NLRP12: variants seen among roughly 807,000 people sequenced by gnomAD.
NLRP12 encodes NLR family pyrin domain containing 12.
Under a neutral mutation model 91.2 loss-of-function variants are expected in NLRP12, and 108 were observed. The observed-to-expected ratio is 1.18, with a 90% CI of 1.01 to 1.39. The LOEUF is 1.39. Among genes scored for constraint, NLRP12 ranks in the 40% most tolerant of loss-of-function variants. NLRP12 has a pLI of 0.00. For missense variants in NLRP12, 1,530 were observed against 1,352.7 expected (o/e 1.13, Z -2.06); for synonymous variants, 613 against 566.7 (o/e 1.08, Z -1.16).
intron 8 of NLRP12, 96 bp from the exon 9 acceptor site, chr19:53,796,125 G>A (rs1384488325): frequency 8.1e-7 from 1 of 1,232,142 alleles, no homozygotes; most frequent in Non-Finnish European, 1.2e-6. Flanking sequence ...GGAGTACAGT[G>A]GTGAGATTTC....
At position 53,810,622 on chromosome 19, in the gene NLRP12, G is replaced by T; in HGVS notation, c.1037C>A (p.Ala346Asp). 1.9e-6 allele frequency: 3 copies of T among 1,614,082 alleles called. No individual in the cohort carries two copies. Among genetic ancestry groups the T allele is most frequent in the Middle Eastern group, 3.3e-4 (2 of 6,062 alleles). Residue 346 changes from alanine to aspartate, a missense_variant, in exon 3 of 10, where the codon GCT (alanine) becomes GAT (aspartate). Ala to Asp is a moderately radical substitution (Grantham distance 126). Transcript: ENST00000324134. The part of the protein sequence containing the change: ...LSLLITTRPT[A>D]LEKLHRLLEH... The stretch of plus-strand genomic sequence containing the variant: ...CAGCAGACGGTGGAGCTTCTCCAAA[G>T]CCGTGGGCCGTGTGGTGATGAGCAA...
intron 3 of NLRP12, among the ~76,000 whole-genome samples, chr19:53,809,162 G>A (rs1445103437): frequency 1.3e-5 from 2 of 150,654 alleles, no homozygotes; most frequent in Non-Finnish European, 2.9e-5. Flanking sequence ...GGAGGCAGAG[G>A]CTGCAGTGAG....
Position 53,809,712 on chromosome 19 carries a change from G to A in NLRP12, c.1947C>T (p.Val649=), listed in dbSNP as rs1332284771. ...TGCAGCGCTTCAGACAGAACGAGGA[G>A]ACCATGTGCTCCATCTTGGAGGCAA... ...SNIASKMEHM[V]SSFCLKRCRS... The change falls in exon 3 of 10, where the codon GTC becomes GTT. Residue 649 remains valine, a synonymous_variant. Coordinates refer to ENST00000324134, the MANE Select transcript of NLRP12 (RefSeq NM_144687.4). 9.3e-6 allele frequency: 15 copies of A among 1,614,120 alleles called. No homozygotes were observed. The highest frequency in any genetic ancestry group is 1.3e-5 in the Non-Finnish European group (15 of 1,180,018).
intron 4 of NLRP12, 29 bp downstream of exon 4, chr19:53,807,466 C>T: frequency 6.2e-7 from 1 of 1,607,700 alleles, no homozygotes; most frequent in South Asian, 1.1e-5. Flanking sequence ...TGGGGACCAC[C>T]TGAAACGCCC....
chr19:53,794,415 G>A (rs1055865389), intron 9 of NLRP12, among the ~76,000 whole-genome samples: 54 of 150,436 alleles, frequency 3.6e-4, no homozygotes, highest in Admixed American at 2.7e-3. Flanking sequence ...CACCTCCCAG[G>A]TTCAAGCGAT....
chr19:53,813,529 C>T (rs1422015093), intron 2 of NLRP12, among the ~76,000 whole-genome samples: 2 of 151,812 alleles, frequency 1.3e-5, no homozygotes, highest in Non-Finnish European at 2.9e-5. Flanking sequence ...GTCTCGATCT[C>T]CTGACCTCAT....
rs1412073330 is a variant in NLRP12 at position 53,795,841 on chromosome 19, C to G, written c.3098+18G>C. 2 of 1,613,420 alleles carry G rather than the reference C, an allele frequency of 1.2e-6. No individual in the cohort carries two copies. The highest frequency in any genetic ancestry group is 1.7e-4 in the Middle Eastern group (1 of 6,060). ...AATGTCCAGCCTCCTCCAGAAAGAA[C>G]TGGTCATCATCCCTCACCAGAGGAC... On this transcript the variant is annotated intron_variant, in intron 9 of 9. Transcript: ENST00000324134.
In NLRP12 at chr19:53,810,477, G is replaced by T. The variant is rs201241894; in HGVS notation, c.1182C>A (p.Asn394Lys). 2 of 1,613,984 alleles carry T rather than the reference G, an allele frequency of 1.2e-6. No individual in the cohort carries two copies. Residue 394 changes from asparagine to lysine, a missense_variant, in exon 3 of 10, where the codon AAC becomes AAA. Physicochemically the swap from Asn to Lys is moderately conservative, Grantham distance 94. Coordinates refer to ENST00000324134, the MANE Select transcript of NLRP12 (RefSeq NM_144687.4). Reference protein sequence around the residue: ...AGQVFNYVRDNEPLFTMCFVP... With the variant: ...AGQVFNYVRDKEPLFTMCFVP... ...CGAAGCACATGGTGAAGAGAGGCTC[G>T]TTGTCCCTCACGTAATTGAAGACTT...
chr19:53,795,847 A>G lies in NLRP12; in HGVS notation c.3098+12T>C. 1 of 1,613,836 alleles carries G rather than the reference A, an allele frequency of 6.2e-7. No individual in the cohort carries two copies. Among genetic ancestry groups the G allele is most frequent in the Non-Finnish European group, 8.5e-7 (1 of 1,179,766 alleles). On this transcript the variant is annotated intron_variant, in intron 9 of 9. Transcript: ENST00000324134. ...CAGCCTCCTCCAGAAAGAACTGGTC[A>G]TCATCCCTCACCAGAGGACTCGGAG...
At chr19:53,797,896 G>A (rs1043195160) in intron 8 of NLRP12, among the ~76,000 whole-genome samples, 4 of 150,840 alleles carry the variant, frequency 2.7e-5, no homozygotes, top group Non-Finnish European at 5.9e-5. Flanking sequence ...GTGCCACCAG[G>A]CCCGGCTATT....
At chr19:53,803,192 T>G (rs1490794548) in intron 6 of NLRP12, among the ~76,000 whole-genome samples, 3 of 152,038 alleles carry the variant, frequency 2.0e-5, no homozygotes, top group African/African-American at 7.2e-5. Context: ...GAACTTTTTT[T>G]TTTTTTGAGA....
chr19:53,795,107 CGTGTGTGTGTGT>C (rs56027837), intron 9 of NLRP12, among the ~76,000 whole-genome samples: 14 of 85,496 alleles, frequency 1.6e-4, no homozygotes, highest in African/African-American at 3.8e-4. Context: ...CTGGTGTGTG[CGTGTGTGTGTGT>C]GTGTGTGTGT....
chr19:53,824,289 G>C lies in NLRP12; in HGVS notation c.-115C>G. ...GCATCATTCACAGGCAGCGGGCGGA[G>C]AGGCTGAGCCAGTGGTTGGAGGAGA... On this transcript the variant is annotated 5_prime_UTR_variant, in exon 1 of 10. Transcript: ENST00000324134. 4 of 1,108,872 alleles carry C rather than the reference G, an allele frequency of 3.6e-6. No homozygotes were observed. The highest frequency in any genetic ancestry group is 5.3e-6 in the Non-Finnish European group (4 of 750,392). 68.7% of individuals were successfully genotyped at this position (1,108,872 alleles called of 1,614,324 possible).
rs538866427 is a variant in NLRP12, at chr19:53,807,334, C to T, written c.2243+161G>A. On this transcript the variant is annotated intron_variant, in intron 4 of 9. Transcript: ENST00000324134. ...CTGCCCGCCTTCACCTGTCAACATA[C>T]TGGGATTACAGACGTGAGCCACGGC... Among the ~76,000 whole-genome samples, 9 of 152,342 alleles carry T rather than the reference C, an allele frequency of 5.9e-5. No individual in the cohort carries two copies. The East Asian group carries it at 1.7e-3, about 29-fold the overall frequency.
Position 53,824,137 on chromosome 19 carries a change from A to C in NLRP12, c.38T>G (p.Leu13Arg), listed in dbSNP as rs374428779. Reference sequence around the variant, plus strand: ...CTCGAGTTCTTCCAAGTAGGTGGACAGGCGACAGAGGCCGTCCCTGCCTGC... The same window carrying C: ...CTCGAGTTCTTCCAAGTAGGTGGACCGGCGACAGAGGCCGTCCCTGCCTGC... ...RTAGRDGLCR[L>R]STYLEELEAV... The change falls in exon 1 of 10, where the codon CTG becomes CGG. Residue 13 changes from leucine to arginine, a missense_variant. Physicochemically the swap from Leu to Arg is moderately radical, Grantham distance 102 (BLOSUM62 -2). Coordinates refer to ENST00000324134, the MANE Select transcript of NLRP12 (RefSeq NM_144687.4). 29 of 1,614,000 alleles carry C rather than the reference A, an allele frequency of 1.8e-5. No individual in the cohort carries two copies. The African/African-American group carries it at 3.2e-4, about 18-fold the overall frequency.
rs1237348476 is a variant in NLRP12, at chr19:53,798,416, G to A, written c.2757-3C>T. ...AGCCCAGCCGGCAGATGCCCAACCT[G>A]CAAAGACAGGATGCTAGGGCGGAGT... On this transcript the variant is annotated splice_polypyrimidine_tract_variant and splice_region_variant and intron_variant, in intron 7 of 9. Coordinates refer to ENST00000324134, the MANE Select transcript of NLRP12 (RefSeq NM_144687.4). 2.5e-6 allele frequency: 4 copies of A among 1,613,798 alleles called. No homozygotes were observed. In the South Asian group the frequency reaches 4.4e-5, roughly 18 times the overall value.
rs150280940 is a variant in NLRP12, at chr19:53,810,880, G to A, written c.779C>T (p.Thr260Met). 4.3e-4 allele frequency: 693 copies of A among 1,614,096 alleles called. 5 individuals carry two copies. The highest frequency in any genetic ancestry group is 3.0e-3 in the South Asian group (274 of 91,090). Residue 260 changes from threonine (T) to methionine (M), a missense_variant, in exon 3 of 10, where the codon ACG becomes ATG. Coordinates refer to ENST00000324134, the MANE Select transcript of NLRP12 (RefSeq NM_144687.4). ...INCREMNQSA[T>M]ECSMQDLIFS... ...GATGAGGTCTTGCATGCTGCATTCC[G>A]TGGCACTCTGGTTCATCTCCCTGCA... is the stretch of plus-strand genomic sequence containing the variant.
Position 53,809,843 on chromosome 19 carries a change from G to A in NLRP12, c.1816C>T (p.Leu606=), listed in dbSNP as rs1404245641. Reference sequence around the variant, plus strand: ...AAGAACTCCAAGGAGCCCTGCTGCAGGGTGGAGCCGTCGCTCTGAGCTTTG... The same window carrying A: ...AAGAACTCCAAGGAGCCCTGCTGCAAGGTGGAGCCGTCGCTCTGAGCTTTG... ...QSKAQSDGST[L]QQGSLEFFSC... The change falls in exon 3 of 10, where the codon CTG becomes TTG. Residue 606 remains leucine, a synonymous_variant. Coordinates refer to ENST00000324134, the MANE Select transcript of NLRP12 (RefSeq NM_144687.4). 1 of 1,614,026 alleles carries A rather than the reference G, an allele frequency of 6.2e-7. No individual in the cohort carries two copies. Among genetic ancestry groups the A allele is most frequent in the Non-Finnish European group, 8.5e-7 (1 of 1,180,034 alleles).
At chr19:53,823,104 T>TACACACACATATATATAC (rs1568701563) in intron 1 of NLRP12, among the ~76,000 whole-genome samples, 2 of 141,144 alleles carry the variant, frequency 1.4e-5, no homozygotes, top group Admixed American at 1.5e-4. Flanking sequence ...CACACACATA[T>TACACACACATATATATAC]ACACACACAT....
Sources: gnomAD v4.1 joint callset for allele counts (sites outside exome capture counted in the v4.1 genomes callset) on GRCh38, gnomAD v4.1.1 for gene constraint, MANE v1.5 for transcripts, NCBI Gene and HGNC (gene_info 2026-07-23, HGNC 2026-07-21) for gene names.